The following MARCHF1 variants were observed in gnomAD, a reference collection of about 807,000 sequenced individuals.
MARCHF1 encodes the protein membrane associated ring-CH-type finger 1.
Under a neutral mutation model 54.2 loss-of-function variants are expected in MARCHF1, and 40 were observed. That is an observed-to-expected ratio of 0.74 (90% CI 0.57 to 0.96). The LOEUF (loss-of-function observed/expected upper bound fraction) is 0.96. MARCHF1 is among the 40% of genes least tolerant of loss of function. MARCHF1 has a pLI of 0.00. For synonymous variants in MARCHF1, 236 were observed against 236.3 expected (o/e 1.00, Z 0.01); for missense variants, 586 against 656.5 (o/e 0.89, Z 1.17).
At chr4:163,648,686 C>A (rs1579156072) in intron 5 of MARCHF1, among the ~76,000 whole-genome samples, 1 of 143,110 alleles carries the variant, frequency 7.0e-6, no homozygotes, top group Non-Finnish European at 1.5e-5. Context: ...TGAAAATTAT[C>A]ATGGAGAAGA....
At chr4:163,617,422 T>C (rs757229271) in intron 5 of MARCHF1, among the ~76,000 whole-genome samples, 1 of 152,164 alleles carries the variant, frequency 6.6e-6, no homozygotes, top group Non-Finnish European at 1.5e-5. Context: ...TTTGAGGTGA[T>C]GGGTTGGTAA....
At chr4:164,124,390 A>G (rs887348275) in intron 1 of MARCHF1, among the ~76,000 whole-genome samples, 8 of 152,130 alleles carry the variant, frequency 5.3e-5, no homozygotes, top group African/African-American at 1.9e-4. Context: ...AAAACTAAAA[A>G]TTGAGCTGCT....
intron 1 of MARCHF1, among the ~76,000 whole-genome samples, chr4:164,328,487 C>T (rs571023384): frequency 3.3e-4 from 50 of 151,816 alleles, no homozygotes; most frequent in African/African-American, 8.7e-4. Flanking sequence ...AACTGAAGAG[C>T]AAAGACCAAG....
intron 1 of MARCHF1, among the ~76,000 whole-genome samples, chr4:164,232,980 T>C (rs1055592669): frequency 6.6e-6 from 1 of 152,280 alleles, no homozygotes; most frequent in East Asian, 1.9e-4. Flanking sequence ...CAAAACTAGC[T>C]ACAACGCTTA....
At chr4:163,544,773 CACA>C (rs1738840382) in intron 9 of MARCHF1, among the ~76,000 whole-genome samples, 1 of 152,080 alleles carries the variant, frequency 6.6e-6, no homozygotes, top group Admixed American at 6.5e-5. Context: ...AAACATTTTT[CACA>C]ACATTACAAA....
intron 3 of MARCHF1, among the ~76,000 whole-genome samples, chr4:163,971,826 ATC>A (rs774648147): frequency 6.6e-6 from 1 of 152,198 alleles, no homozygotes; most frequent in Non-Finnish European, 1.5e-5. Flanking sequence ...GTCTCTTAAG[ATC>A]TCATCCAAAA....
At chr4:164,284,344 G>C (rs894772948) in intron 1 of MARCHF1, among the ~76,000 whole-genome samples, 1 of 150,320 alleles carries the variant, frequency 6.7e-6, no homozygotes, top group African/African-American at 2.4e-5. Flanking sequence ...CAGAGAGAGA[G>C]AGAGAGAGAG....
intron 1 of MARCHF1, among the ~76,000 whole-genome samples, chr4:164,182,529 ATCCT>A (rs1267691686): frequency 2.6e-5 from 4 of 151,812 alleles, no homozygotes; most frequent in East Asian, 3.9e-4. Context: ...CCTTCCTTCC[ATCCT>A]TCCTTCCTTC....
At chr4:163,898,466 A>G (rs775322212) in intron 3 of MARCHF1, among the ~76,000 whole-genome samples, 1 of 152,210 alleles carries the variant, frequency 6.6e-6, no homozygotes, top group Non-Finnish European at 1.5e-5. Flanking sequence ...AGAAATGAAA[A>G]TTAAAACCAC....
At chr4:163,864,237 G>A (rs1579350623) in intron 3 of MARCHF1, among the ~76,000 whole-genome samples, 2 of 151,914 alleles carry the variant, frequency 1.3e-5, no homozygotes, top group Non-Finnish European at 2.9e-5. Context: ...TAATCAAAAT[G>A]ATGTATTGAC....
intron 8 of MARCHF1, among the ~76,000 whole-genome samples, chr4:163,556,955 T>C (rs1189291190): frequency 6.6e-6 from 1 of 152,108 alleles, no homozygotes; most frequent in Non-Finnish European, 1.5e-5. Context: ...CAAAATATTG[T>C]GTGCATTTAT....
At chr4:163,858,871 G>A (rs947157341) in intron 3 of MARCHF1, among the ~76,000 whole-genome samples, 6 of 152,094 alleles carry the variant, frequency 3.9e-5, no homozygotes, top group Non-Finnish European at 7.4e-5. Context: ...AGGACTTCTT[G>A]CTTGGGTTGA....
intron 7 of MARCHF1, among the ~76,000 whole-genome samples, chr4:163,603,771 A>G (rs946191413): frequency 2.0e-5 from 3 of 152,044 alleles, no homozygotes; most frequent in African/African-American, 7.2e-5. Flanking sequence ...TGCAAAAAAA[A>G]GTCATACCTA....
intron 1 of MARCHF1, among the ~76,000 whole-genome samples, chr4:164,251,283 A>G (rs563611426): frequency 6.6e-6 from 1 of 152,324 alleles, no homozygotes; most frequent in Admixed American, 6.5e-5. Flanking sequence ...TACACAGAAC[A>G]TATAATTATG....
At chr4:163,842,370 T>C (rs1346006234) in intron 4 of MARCHF1, among the ~76,000 whole-genome samples, 1 of 151,992 alleles carries the variant, frequency 6.6e-6, no homozygotes, top group Non-Finnish European at 1.5e-5. Flanking sequence ...TATATGTATA[T>C]ATAAATATTA....
At chr4:163,607,091 G>A (rs935499215) in intron 7 of MARCHF1, among the ~76,000 whole-genome samples, 1 of 152,086 alleles carries the variant, frequency 6.6e-6, no homozygotes, top group African/African-American at 2.4e-5. Context: ...GAGAAGGAGA[G>A]AGAGAGTGAG....
chr4:163,595,075 G>T (rs536435446), intron 7 of MARCHF1, among the ~76,000 whole-genome samples: 101 of 150,160 alleles, frequency 6.7e-4, no homozygotes, highest in Non-Finnish European at 1.2e-3. Flanking sequence ...AATAGAGAAA[G>T]AAAATATGGT....
chr4:164,243,657 AC>A (rs1732846976), intron 1 of MARCHF1, among the ~76,000 whole-genome samples: 2 of 144,874 alleles, frequency 1.4e-5, no homozygotes, highest in Non-Finnish European at 1.5e-5. Context: ...AAAGACACAG[AC>A]TGGCAAATTG....
chr4:163,726,769 G>A (rs181907829), intron 4 of MARCHF1, among the ~76,000 whole-genome samples: 7 of 152,274 alleles, frequency 4.6e-5, no homozygotes, highest in Admixed American at 4.6e-4. Flanking sequence ...TACATTTGGT[G>A]GTGGTGTTTT....
Sources: allele counts gnomAD v4.1 joint callset (sites outside exome capture counted in the v4.1 genomes callset), GRCh38; gene constraint gnomAD v4.1.1; transcripts MANE v1.5; gene names NCBI Gene and HGNC (gene_info 2026-07-23, HGNC 2026-07-21).